SCN10A: variants seen among roughly 807,000 people sequenced by gnomAD.
SCN10A encodes sodium voltage-gated channel alpha subunit 10, also known as sodium channel protein type 10 subunit alpha.
Under a neutral mutation model 170.7 loss-of-function variants are expected in SCN10A, and 162 were observed. The observed-to-expected ratio is 0.95, with a 90% CI of 0.84 to 1.08. SCN10A has a LOEUF of 1.08. Among genes scored for constraint, SCN10A ranks in the 50% least tolerant of loss-of-function variants. The pLI is 0.00. For synonymous variants in SCN10A, 985 were observed against 904.6 expected (o/e 1.09, Z -1.59); for missense variants, 2,527 against 2,436.9 (o/e 1.04, Z -0.78).
In SCN10A at chr3:38,803,696, G is replaced by GC. The variant is rs553152326; in HGVS notation, c.-32-9655_-32-9654insG. On this transcript the variant is annotated intron_variant, in intron 1 of 27. Coordinates refer to ENST00000449082, the MANE Select transcript of SCN10A (RefSeq NM_006514.4). Reference sequence around the variant, plus strand: ...GATAGCATTAGGAGATATACCTAATGTAAATGACGAGTTAATGGGTGCAGC... The same window carrying GC: ...GATAGCATTAGGAGATATACCTAATGCTAAATGACGAGTTAATGGGTGCAGC... Among the ~76,000 whole-genome samples, 928 of 151,610 alleles carry GC rather than the reference G, an allele frequency of 6.1e-3. 5 individuals carry two copies. Among genetic ancestry groups the GC allele is most frequent in the Middle Eastern group, 0.014 (4 of 294 alleles).
At chr3:38,742,257 C>G in intron 14 of SCN10A, 34 bp downstream of exon 14, 1 of 1,529,704 alleles carries the variant, frequency 6.5e-7, no homozygotes, top group Non-Finnish European at 9.0e-7. Context: ...GCCCCGACCA[C>G]GCCAGTGAGG....
Position 38,771,323 on chromosome 3 carries a change from C to G in SCN10A, c.555G>C (p.Leu185=). The G allele has an allele frequency of 6.2e-7, 1 of 1,614,136 alleles. No individual in the cohort carries two copies. The highest frequency in any genetic ancestry group is 8.5e-7 in the Non-Finnish European group (1 of 1,179,998). ...AATCCAGCCAGTTCCAAGGATCTCT[C>G]AGGTACGTGAACTCATTTAGACAAA... is the stretch of plus-strand genomic sequence containing the variant. ...RGFCLNEFTY[L]RDPWNWLDFS... is the part of the protein sequence containing the mutation. Residue 185 remains leucine (L), a synonymous_variant, in exon 5 of 28, where the codon CTG becomes CTC. Transcript: ENST00000449082.
intron 27 of SCN10A, among the ~76,000 whole-genome samples, chr3:38,699,443 G>A (rs1425898481): frequency 6.6e-6 from 1 of 152,114 alleles, no homozygotes; most frequent in African/African-American, 2.4e-5. Flanking sequence ...AGGCCTTTAG[G>A]TAAGAGAGGG....
chr3:38,797,541 T>C (rs142283286), intron 1 of SCN10A, among the ~76,000 whole-genome samples: 46 of 152,360 alleles, frequency 3.0e-4, no homozygotes, highest in African/African-American at 1.1e-3. Flanking sequence ...TTCTATGTGT[T>C]GTGTGCCCAA....
intron 15 of SCN10A, among the ~76,000 whole-genome samples, chr3:38,734,824 C>T (rs1311346450): frequency 6.6e-6 from 1 of 151,920 alleles, no homozygotes; most frequent in African/African-American, 2.4e-5. Context: ...ACTGGATGTC[C>T]TAACTAGCAC....
At chr3:38,723,610 G>A (rs2063419776) in intron 18 of SCN10A, 57 bp from the exon 19 acceptor site, 2 of 1,543,146 alleles carry the variant, frequency 1.3e-6, no homozygotes, top group African/African-American at 2.7e-5. Context: ...CCGGGGAATT[G>A]CACACGGTCA....
intron 6 of SCN10A, among the ~76,000 whole-genome samples, chr3:38,762,745 T>C (rs1474813016): frequency 6.6e-6 from 1 of 152,154 alleles, no homozygotes; most frequent in Non-Finnish European, 1.5e-5. Context: ...TTCCTATCTT[T>C]CCCTGCAGAG....
Position 38,697,763 on chromosome 3 carries a change from A to G in SCN10A, c.5457T>C (p.Asp1819=). The part of the protein sequence containing the change: ...KNVLGESGEL[D]SLKANMEEKF... ...TCTCCTCCATATTTGCCTTCAGAGA[A>G]TCCAACTCCCCGGATTCTCCTAGGA... The change falls in exon 28 of 28, where the codon GAT becomes GAC. Residue 1819 remains aspartate (D), a synonymous_variant. Transcript: ENST00000449082. 1 of 1,614,144 alleles carries G rather than the reference A, an allele frequency of 6.2e-7. No homozygotes were observed. The highest frequency in any genetic ancestry group is 8.5e-7 in the Non-Finnish European group (1 of 1,180,030).
intron 1 of SCN10A, among the ~76,000 whole-genome samples, chr3:38,800,633 C>T (rs376098572): frequency 7.9e-5 from 12 of 151,730 alleles, no homozygotes; most frequent in African/African-American, 2.9e-4. Flanking sequence ...TTCTAGGAAA[C>T]TCTGACTCCC....
At chr3:38,775,321 G>A (rs2064059882) in intron 4 of SCN10A, among the ~76,000 whole-genome samples, 1 of 152,118 alleles carries the variant, frequency 6.6e-6, no homozygotes, top group African/African-American at 2.4e-5. Context: ...TACTAAAGGT[G>A]GAATCATGCA....
At chr3:38,760,480 A>C (rs949073984) in intron 8 of SCN10A, among the ~76,000 whole-genome samples, 1 of 152,230 alleles carries the variant, frequency 6.6e-6, no homozygotes, top group Non-Finnish European at 1.5e-5. Context: ...TAATTCACAA[A>C]ATTTTGGGGT....
chr3:38,777,058 C>CTA, intron 4 of SCN10A, among the ~76,000 whole-genome samples: 1 of 152,028 alleles, frequency 6.6e-6, no homozygotes, highest in African/African-American at 2.4e-5. Context: ...CTCTCATAAA[C>CTA]ATCATAATAG....
chr3:38,721,325 C>A (rs1467598289), intron 20 of SCN10A, among the ~76,000 whole-genome samples: 8 of 151,758 alleles, frequency 5.3e-5, no homozygotes, highest in Non-Finnish European at 1.2e-4. Context: ...AACTAATTAG[C>A]TGCCACCCTG....
chr3:38,790,517 A>C (rs1381298392), intron 3 of SCN10A, among the ~76,000 whole-genome samples: 1 of 152,126 alleles, frequency 6.6e-6, no homozygotes, highest in African/African-American at 2.4e-5. Context: ...GATGTAATTC[A>C]ACCAGAATCC....
chr3:38,703,457 A>C (rs2063177976), intron 26 of SCN10A, among the ~76,000 whole-genome samples: 1 of 152,196 alleles, frequency 6.6e-6, no homozygotes, highest in Admixed American at 6.5e-5. Flanking sequence ...AGTTGTGTAC[A>C]ATCAGTGTCC....
intron 1 of SCN10A, among the ~76,000 whole-genome samples, chr3:38,808,484 G>C (rs1380559229): frequency 6.6e-6 from 1 of 152,190 alleles, no homozygotes; most frequent in Non-Finnish European, 1.5e-5. Context: ...CTGAGCCACA[G>C]ACCATGTTCA....
rs2064440193 is a variant in SCN10A at position 38,811,331 on chromosome 3, T to C, written c.-33+4706A>G. Among the ~76,000 whole-genome samples the C allele has an allele frequency of 2.6e-5, 4 of 151,848 alleles. No individual in the cohort carries two copies. In the South Asian group the frequency reaches 8.3e-4, roughly 32 times the overall value. Reference sequence around the variant, plus strand: ...AGCCAGGCATGGTGGCGTGAACCTGTAATCCCAGCTACTCAGGAGGCTGAG... The same window carrying C: ...AGCCAGGCATGGTGGCGTGAACCTGCAATCCCAGCTACTCAGGAGGCTGAG... On this transcript the variant is annotated intron_variant, in intron 1 of 27. Transcript: ENST00000449082.
intron 4 of SCN10A, among the ~76,000 whole-genome samples, chr3:38,773,308 A>G (rs2064031875): frequency 6.6e-6 from 1 of 152,210 alleles, no homozygotes; most frequent in East Asian, 1.9e-4. Flanking sequence ...TGTCTTAAAA[A>G]AAAATGTTAC....
At chr3:38,727,793 G>A (rs957541843) in intron 16 of SCN10A, among the ~76,000 whole-genome samples, 3 of 152,210 alleles carry the variant, frequency 2.0e-5, no homozygotes, top group Non-Finnish European at 2.9e-5. Context: ...AGTCCCAGGA[G>A]GGCAAGGACC....
Sources: allele counts gnomAD v4.1 joint callset (sites outside exome capture counted in the v4.1 genomes callset), GRCh38; gene constraint gnomAD v4.1.1; transcripts MANE v1.5; gene names NCBI Gene and HGNC (gene_info 2026-07-23, HGNC 2026-07-21).